The following ENTPD1 variants were observed in gnomAD, a reference collection of about 807,000 sequenced individuals.
ENTPD1 encodes ATP diphosphohydrolase.
A neutral mutation model predicts 57.0 loss-of-function variants in ENTPD1; 33 were observed. The ratio of observed to expected loss-of-function variants is 0.58; its 90% CI spans 0.44 to 0.77. ENTPD1 has a LOEUF of 0.77. ENTPD1 is among the 30% of genes least tolerant of loss of function. The pLI is 0.00. For synonymous variants in ENTPD1, 202 were observed against 218.8 expected, an observed-to-expected ratio of 0.92 and a Z score of 0.68; for missense variants, 501 against 603.4, an observed-to-expected ratio of 0.83 and a Z score of 1.78.
intron 1 of ENTPD1, among the ~76,000 whole-genome samples, chr10:95,749,027 G>A (rs1300230417): frequency 2.6e-5 from 4 of 152,336 alleles, no homozygotes. Context: ...TCAGAAGGCA[G>A]AGAATGAATG....
At chr10:95,731,505 T>C (rs2139849847) in intron 1 of ENTPD1, among the ~76,000 whole-genome samples, 1 of 152,292 alleles carries the variant, frequency 6.6e-6, no homozygotes, top group Admixed American at 6.5e-5. Context: ...CTGATGGCTT[T>C]TTCTGGCCAT....
At chr10:95,698,256 G>A in the ENTPD1 span, among the ~76,000 whole-genome samples, 1 of 152,050 alleles carries the variant, frequency 6.6e-6, no homozygotes, top group East Asian at 1.9e-4. Context: ...AATGAACTAG[G>A]GTATCTAGCA....
intron 2 of ENTPD1, among the ~76,000 whole-genome samples, chr10:95,837,239 TTGC>T (rs2098412115): frequency 1.3e-5 from 2 of 152,356 alleles, no homozygotes; most frequent in South Asian, 4.1e-4. Context: ...TAAATGCTGC[TTGC>T]TGCTTCTACC....
chr10:95,758,037 G>A (rs892779815), intron 1 of ENTPD1, among the ~76,000 whole-genome samples: 3 of 123,288 alleles, frequency 2.4e-5, no homozygotes, highest in African/African-American at 9.6e-5. Flanking sequence ...AAAAGATTTG[G>A]ACTGGATCTG....
the ENTPD1 span, among the ~76,000 whole-genome samples, chr10:95,703,898 C>A: frequency 5.2e-3 from 790 of 151,794 alleles, 2 homozygotes; most frequent in Non-Finnish European, 7.9e-3. Flanking sequence ...CATGACCAGC[C>A]TGGACAACAT....
chr10:95,809,396 C>G (rs2098288389), intron 1 of ENTPD1, among the ~76,000 whole-genome samples: 1 of 150,350 alleles, frequency 6.7e-6, no homozygotes, highest in African/African-American at 2.4e-5. Flanking sequence ...CCCCCACCCC[C>G]CAGACGGGGA....
chr10:95,740,392 T>C (rs1163004317), intron 1 of ENTPD1, among the ~76,000 whole-genome samples: 2 of 152,250 alleles, frequency 1.3e-5, no homozygotes, highest in East Asian at 1.9e-4. Context: ...CCCAAAGTCC[T>C]GGGATTACAG....
chr10:95,872,937 C>T lies in ENTPD1; in HGVS notation c.*6554C>T. On this transcript the variant is annotated 3_prime_UTR_variant, in exon 10 of 10. Coordinates refer to ENST00000371205, the MANE Select transcript of ENTPD1 (RefSeq NM_001776.6). ...TTTCTGTGTAGTTTGCCATGCAGCA[C>T]TTCATTGTACACATTATTAAAACAG... 1.0e-6 allele frequency: 1 copy of T among 985,372 alleles called. No homozygotes were observed. The highest frequency in any genetic ancestry group is 4.7e-5 in the South Asian group (1 of 21,288). The allele number at this position is 985,372 out of a possible 1,614,324, so 61.0% of individuals were successfully genotyped here.
intron 9 of ENTPD1, 44 bp from the exon 10 acceptor site, chr10:95,866,133 T>TCTAA (rs2098474079): frequency 6.3e-7 from 1 of 1,586,398 alleles, no homozygotes; most frequent in African/African-American, 1.3e-5. Context: ...TGATAACTCT[T>TCTAA]CTAACTCCTC....
chr10:95,819,544 ACCTTT>A (rs1405651194), intron 1 of ENTPD1, among the ~76,000 whole-genome samples: 5 of 152,220 alleles, frequency 3.3e-5, no homozygotes, highest in Non-Finnish European at 7.3e-5. Context: ...AATCAAAAGA[ACCTTT>A]GCTTCCTTTG....
rs561897521 is a variant in ENTPD1 at position 95,828,614 on chromosome 10, T to C, written c.144+5250T>C. 5.9e-5 allele frequency among the ~76,000 whole-genome samples: 9 copies of C among 152,176 alleles called. No homozygotes were observed. In the South Asian group the frequency reaches 1.9e-3, roughly 32 times the overall value. ...AAGAATTCCTCCTAAGGCATAATGA[T>C]AACATTATTTAGTGCTTTGCAGTTA... is the stretch of plus-strand genomic sequence containing the variant. On this transcript the variant is annotated intron_variant, in intron 2 of 9. Coordinates refer to ENST00000371205, the MANE Select transcript of ENTPD1 (RefSeq NM_001776.6).
intron 6 of ENTPD1, 179 bp from the exon 7 acceptor site, chr10:95,847,267 T>A: frequency 1.4e-6 from 1 of 704,408 alleles, no homozygotes; most frequent in Non-Finnish European, 2.5e-6. Context: ...TTCTGGTGCC[T>A]GTTACACAAA....
the ENTPD1 span, among the ~76,000 whole-genome samples, chr10:95,698,572 G>T: frequency 6.6e-6 from 1 of 152,152 alleles, no homozygotes; most frequent in Non-Finnish European, 1.5e-5. Flanking sequence ...GATCTTAGAG[G>T]GTGCCCCTCC....
rs372623818 is a variant in ENTPD1, at chr10:95,872,677, A to G, written c.*6294A>G. On this transcript the variant is annotated 3_prime_UTR_variant, in exon 10 of 10. Coordinates refer to ENST00000371205, the MANE Select transcript of ENTPD1 (RefSeq NM_001776.6). ...AAAAGTTGGATTCAGGGATATTATC[A>G]CGGACCTAAGGTAATAGTTCTAGCC... 43,753 of 939,432 alleles carry G rather than the reference A, an allele frequency of 0.047. 1,013 individuals are homozygous for G. The highest frequency in any genetic ancestry group is 0.049 in the Non-Finnish European group (39,311 of 808,116). 58.2% of individuals were successfully genotyped at this position (939,432 alleles called of 1,614,324 possible).
intron 1 of ENTPD1, among the ~76,000 whole-genome samples, chr10:95,787,891 T>C (rs900173186): frequency 6.6e-6 from 1 of 152,216 alleles, no homozygotes; most frequent in African/African-American, 2.4e-5. Flanking sequence ...GCAGTGGATA[T>C]GGCAACACTT....
At chr10:95,756,016 A>T, upstream of ENTPD1, 1 of 1,465,636 alleles carries the variant, frequency 6.8e-7, no homozygotes, top group Non-Finnish European at 9.0e-7. Flanking sequence ...TAGGAAAATG[A>T]GCTGCTGGAC....
intron 1 of ENTPD1, among the ~76,000 whole-genome samples, chr10:95,736,287 C>A (rs187732739): frequency 6.1e-4 from 93 of 152,310 alleles, no homozygotes; most frequent in African/African-American, 2.0e-3. Flanking sequence ...CAGATGTGAG[C>A]TGTCGTGCCC....
At chr10:95,822,624 G>A (rs2098357670) in intron 1 of ENTPD1, among the ~76,000 whole-genome samples, 1 of 152,110 alleles carries the variant, frequency 6.6e-6, no homozygotes, top group African/African-American at 2.4e-5. Flanking sequence ...TTCTACTATT[G>A]GAGCTTTTCT....
chr10:95,810,425 C>T (rs118189757), intron 1 of ENTPD1, among the ~76,000 whole-genome samples: 1,478 of 145,328 alleles, frequency 0.01, 10 homozygotes, highest in African/African-American at 0.016. Context: ...TGGGCAGAGG[C>T]GCTCCTCACT....
Sources: allele counts gnomAD v4.1 joint callset (sites outside exome capture counted in the v4.1 genomes callset), GRCh38; gene constraint gnomAD v4.1.1; transcripts MANE v1.5; gene names NCBI Gene and HGNC (gene_info 2026-07-23, HGNC 2026-07-21).